Variants in PCDH9 observed in about 807,000 individuals in gnomAD.
The protein encoded by PCDH9 is protocadherin 9, also known as protocadherin-9.
PCDH9 carries 24 observed loss-of-function variants against 70.6 expected under a neutral mutation model. The ratio of observed to expected loss-of-function variants is 0.34; its 90% CI spans 0.25 to 0.48. The LOEUF is 0.48. PCDH9 is among the 20% of genes least tolerant of loss of function. The pLI is 0.99. For missense variants in PCDH9, 1,281 were observed against 1,503.6 expected, an observed-to-expected ratio of 0.85 and a Z score of 2.45; for synonymous variants, 562 against 558.5, an observed-to-expected ratio of 1.01 and a Z score of -0.09.
At chr13:66,355,146 T>G (rs1376840709) in intron 4 of PCDH9, among the ~76,000 whole-genome samples, 1 of 152,110 alleles carries the variant, frequency 6.6e-6, no homozygotes, top group Non-Finnish European at 1.5e-5. Flanking sequence ...GTTTCTCACC[T>G]TAGTAATGGC....
intron 4 of PCDH9, among the ~76,000 whole-genome samples, chr13:66,604,266 T>C (rs553367370): frequency 1.1e-4 from 16 of 152,082 alleles, no homozygotes; most frequent in African/African-American, 3.1e-4. Flanking sequence ...GAAATACATA[T>C]TTTTGTCAAT....
chr13:67,145,516 G>GA (rs1183625568), intron 2 of PCDH9, among the ~76,000 whole-genome samples: 1 of 151,534 alleles, frequency 6.6e-6, no homozygotes, highest in Non-Finnish European at 1.5e-5. Flanking sequence ...TGCTTAATAG[G>GA]AAAAAAATCT....
At chr13:66,787,717 C>T (rs1182852862) in intron 3 of PCDH9, among the ~76,000 whole-genome samples, 1 of 152,104 alleles carries the variant, frequency 6.6e-6, no homozygotes, top group African/African-American at 2.4e-5. Flanking sequence ...CGGCACTTTC[C>T]AAACTTAGCT....
chr13:66,761,231 C>T (rs184244723), intron 3 of PCDH9, among the ~76,000 whole-genome samples: 20 of 152,052 alleles, frequency 1.3e-4, no homozygotes, highest in Non-Finnish European at 2.5e-4. Context: ...TGTGATGTCA[C>T]CCCCGGAAAC....
At chr13:66,682,357 TA>T (rs2078336511) in intron 3 of PCDH9, among the ~76,000 whole-genome samples, 2 of 420 alleles carry the variant, frequency 4.8e-3, no homozygotes. Flanking sequence ...ATTTATTATC[TA>T]TCTATCTATC....
rs554657411 is a variant in PCDH9, at chr13:67,092,689, A to C, written c.3036+132716T>G. Among the ~76,000 whole-genome samples, 7 of 152,328 alleles carry C rather than the reference A, an allele frequency of 4.6e-5. No homozygotes were observed. In the East Asian group the frequency reaches 7.7e-4, roughly 17 times the overall value. On this transcript the variant is annotated intron_variant, in intron 2 of 4. Coordinates refer to ENST00000377865, the MANE Select transcript of PCDH9 (RefSeq NM_203487.3). ...TGTCATCTCAAAGGTACTAAACCGC[A>C]TGATTTCTCCCCTATGTTATTTCAT... is the stretch of plus-strand genomic sequence containing the variant.
At chr13:67,010,763 A>G (rs2084437173) in intron 2 of PCDH9, among the ~76,000 whole-genome samples, 2 of 152,004 alleles carry the variant, frequency 1.3e-5, no homozygotes, top group Admixed American at 6.6e-5. Flanking sequence ...GACCTTTACT[A>G]TTAATAATTT....
intron 3 of PCDH9, among the ~76,000 whole-genome samples, chr13:66,684,570 T>C (rs963594819): frequency 6.6e-6 from 1 of 152,148 alleles, no homozygotes; most frequent in Non-Finnish European, 1.5e-5. Flanking sequence ...CCCCTTTCAC[T>C]TGGCACTTCT....
chr13:66,890,044 C>T (rs529049629), intron 3 of PCDH9, among the ~76,000 whole-genome samples: 2 of 152,248 alleles, frequency 1.3e-5, no homozygotes, highest in East Asian at 3.9e-4. Flanking sequence ...TTATCTATAG[C>T]AACGATGGTC....
intron 2 of PCDH9, chr13:67,222,285 G>GA (rs2089746422): frequency 9.0e-6 from 1 of 111,322 alleles, no homozygotes; most frequent in African/African-American, 3.4e-5. Context: ...ATGACCTTTT[G>GA]CCAAAAAAAA....
intron 3 of PCDH9, among the ~76,000 whole-genome samples, chr13:66,788,551 A>G (rs1198688439): frequency 6.6e-6 from 1 of 151,334 alleles, no homozygotes; most frequent in Non-Finnish European, 1.5e-5. Flanking sequence ...TCCTAATATT[A>G]GGTTTTGGAA....
chr13:67,139,517 T>C (rs1366917845), intron 2 of PCDH9, among the ~76,000 whole-genome samples: 1 of 152,242 alleles, frequency 6.6e-6, no homozygotes, highest in African/African-American at 2.4e-5. Flanking sequence ...AGGAACTTAC[T>C]TGTAATCTGC....
At chr13:66,921,131 C>T (rs1215480678) in intron 2 of PCDH9, among the ~76,000 whole-genome samples, 1 of 151,006 alleles carries the variant, frequency 6.6e-6, no homozygotes, top group Non-Finnish European at 1.5e-5. Context: ...AAATCTCTAC[C>T]TACAAGACTG....
chr13:66,612,933 G>A (rs547189330), intron 4 of PCDH9, among the ~76,000 whole-genome samples: 4 of 151,958 alleles, frequency 2.6e-5, no homozygotes, highest in Admixed American at 2.0e-4. Flanking sequence ...ATCTTTAGTT[G>A]AACTAAGGAA....
At chr13:66,672,477 G>T (rs962301444) in intron 3 of PCDH9, among the ~76,000 whole-genome samples, 2 of 152,222 alleles carry the variant, frequency 1.3e-5, no homozygotes, top group Non-Finnish European at 2.9e-5. Context: ...GGGCAATGCA[G>T]GAGGGAAATG....
chr13:66,423,288 T>C (rs986940651), intron 4 of PCDH9, among the ~76,000 whole-genome samples: 2 of 146,388 alleles, frequency 1.4e-5, no homozygotes, highest in East Asian at 4.0e-4. Flanking sequence ...TTCCAAACAA[T>C]AGAAAAAGGG....
intron 2 of PCDH9, among the ~76,000 whole-genome samples, chr13:67,142,749 C>G (rs908291265): frequency 5.3e-5 from 8 of 151,832 alleles, no homozygotes; most frequent in Admixed American, 2.6e-4. Flanking sequence ...GCCTGTAATC[C>G]CAGCACTTTG....
chr13:66,685,831 G>T (rs928383968), intron 3 of PCDH9, among the ~76,000 whole-genome samples: 1 of 152,194 alleles, frequency 6.6e-6, no homozygotes, highest in Admixed American at 6.5e-5. Context: ...TTTTGGACTT[G>T]CATAGGGCCT....
At chr13:67,009,607 T>C (rs143576455) in intron 2 of PCDH9, among the ~76,000 whole-genome samples, 429 of 152,140 alleles carry the variant, frequency 2.8e-3, no homozygotes, top group African/African-American at 9.6e-3. Context: ...GTACTCCTTA[T>C]TTAGTCAGGA....
Sources: allele counts gnomAD v4.1 joint callset (sites outside exome capture counted in the v4.1 genomes callset), GRCh38; gene constraint gnomAD v4.1.1; transcripts MANE v1.5; gene names NCBI Gene and HGNC (gene_info 2026-07-23, HGNC 2026-07-21).